The following ABCA5 variants were observed in gnomAD, a reference collection of about 807,000 sequenced individuals.
ABCA5 encodes the protein ATP binding cassette subfamily A member 5.
ABCA5 carries 163 observed loss-of-function variants against 206.0 expected under a neutral mutation model. The ratio of observed to expected loss-of-function variants is 0.79; its 90% confidence interval spans 0.70 to 0.90. The LOEUF (loss-of-function observed/expected upper bound fraction) is 0.90. Among genes scored for constraint, ABCA5 ranks in the 40% least tolerant of loss-of-function variants. ABCA5 has a pLI of 0.00. For missense variants in ABCA5, 1,859 were observed against 1,912.9 expected, an observed-to-expected ratio of 0.97 and a Z score of 0.53; for synonymous variants, 609 against 613.8, an observed-to-expected ratio of 0.99 and a Z score of 0.11.
chr17:69,267,627 A>G (rs2075225479), intron 23 of ABCA5, among the ~76,000 whole-genome samples: 1 of 152,192 alleles, frequency 6.6e-6, no homozygotes, highest in Non-Finnish European at 1.5e-5. Flanking sequence ...CACAATTTAA[A>G]CAAGTTGAGT....
At chr17:69,251,939 C>G in intron 34 of ABCA5, 73 bp from the exon 35 acceptor site, 1 of 1,539,718 alleles carries the variant, frequency 6.5e-7, no homozygotes, top group South Asian at 1.2e-5. Flanking sequence ...TTTAAAAATC[C>G]AACCGGTTGG....
rs572680387 is a variant in ABCA5, at chr17:69,319,482, C to T, written c.-15-5052G>A. Among the ~76,000 whole-genome samples, 8 of 152,230 alleles carry T rather than the reference C, an allele frequency of 5.3e-5. No homozygotes were observed. The East Asian group carries it at 1.5e-3, about 29-fold the overall frequency. On this transcript the variant is annotated intron_variant, in intron 1 of 38. Coordinates refer to ENST00000392676, the MANE Select transcript of ABCA5 (RefSeq NM_172232.4). ...CTCATCACAGCTTTTTAAAGCAAAA[C>T]TAAACCAACTCCCCAAACACCATCC...
intron 23 of ABCA5, among the ~76,000 whole-genome samples, chr17:69,265,515 T>C (rs981020379): frequency 2.0e-5 from 3 of 152,120 alleles, no homozygotes; most frequent in African/African-American, 7.2e-5. Flanking sequence ...CATGTTCTCA[T>C]TTAATTTGAA....
chr17:69,325,077 G>A (rs2075888165), intron 1 of ABCA5, among the ~76,000 whole-genome samples: 1 of 151,160 alleles, frequency 6.6e-6, no homozygotes, highest in African/African-American at 2.4e-5. Context: ...ATCCCAGTGG[G>A]AGGAAGGCTT....
chr17:69,254,394 T>C lies in ABCA5; in HGVS notation c.4165A>G (p.Thr1389Ala). 1 of 1,613,824 alleles carries C rather than the reference T, an allele frequency of 6.2e-7. No homozygotes were observed. Among genetic ancestry groups the C allele is most frequent in the East Asian group, 2.2e-5 (1 of 44,810 alleles). Residue 1389 changes from threonine to alanine, a missense_variant, in exon 32 of 39, where the codon ACT becomes GCT. Transcript: ENST00000392676. ...CPQINPLWPD[T>A]TLQEHFEIYG... ...ATTTCAAAATGTTCCTGCAATGTAG[T>C]ATCTGGCCACAAAGGGTTTATCTGA...
In ABCA5 at chr17:69,249,970, A is replaced by G; in HGVS notation, c.4700T>C (p.Leu1567Ser). Residue 1567 changes from leucine (L) to serine (S), a missense_variant, in exon 37 of 39, where the codon TTG becomes TCG. Physicochemically the swap from Leu to Ser is moderately radical, Grantham distance 145. Coordinates refer to ENST00000392676, the MANE Select transcript of ABCA5 (RefSeq NM_172232.4). Reference protein sequence around the residue: ...ASRQESFSSILAYKIPKEDVQ... With the variant: ...ASRQESFSSISAYKIPKEDVQ... ...ATCTTCCTTAGGAATTTTATAAGCC[A>G]AAATAGAAGAAAAACTGGAAAAAAA... The G allele has an allele frequency of 1.3e-6, 2 of 1,488,742 alleles. No homozygotes were observed. The highest frequency in any genetic ancestry group is 1.8e-6 in the Non-Finnish European group (2 of 1,114,264). The allele number at this position is 1,488,742 out of a possible 1,614,324, so 92.2% of individuals were successfully genotyped here.
intron 18 of ABCA5, among the ~76,000 whole-genome samples, chr17:69,281,904 T>G (rs1340484997): frequency 6.6e-6 from 1 of 152,222 alleles, no homozygotes; most frequent in African/African-American, 2.4e-5. Flanking sequence ...ATGCAAAATG[T>G]GTATTTGCAG....
chr17:69,316,388 G>A (rs1463507604), intron 1 of ABCA5, among the ~76,000 whole-genome samples: 2 of 151,950 alleles, frequency 1.3e-5, no homozygotes, highest in African/African-American at 4.8e-5. Flanking sequence ...AGCTACTGGG[G>A]AGGCAAAAGA....
At chr17:69,307,631 C>T (rs537221257) in intron 5 of ABCA5, among the ~76,000 whole-genome samples, 4 of 152,124 alleles carry the variant, frequency 2.6e-5, no homozygotes, top group African/African-American at 7.2e-5. Flanking sequence ...CAATATTACA[C>T]GTCCCTAATA....
At chr17:69,303,851 T>TAC (rs1280593471) in intron 7 of ABCA5, among the ~76,000 whole-genome samples, 4 of 37,524 alleles carry the variant, frequency 1.1e-4, no homozygotes, top group Admixed American at 9.5e-4. Flanking sequence ...CATACATATA[T>TAC]ATATGTATAT....
intron 28 of ABCA5, among the ~76,000 whole-genome samples, chr17:69,258,598 T>C (rs767572922): frequency 5.3e-5 from 8 of 152,090 alleles, no homozygotes; most frequent in Non-Finnish European, 1.2e-4. Context: ...AGGTACAACG[T>C]TCACCATTTG....
chr17:69,279,813 GA>G (rs1395940473), intron 18 of ABCA5, among the ~76,000 whole-genome samples: 1 of 152,162 alleles, frequency 6.6e-6, no homozygotes, highest in Admixed American at 6.5e-5. Flanking sequence ...ATGGTGCTGG[GA>G]AAACTAGCTA....
chr17:69,315,690 G>A (rs552333226), intron 1 of ABCA5, among the ~76,000 whole-genome samples: 1 of 151,842 alleles, frequency 6.6e-6, no homozygotes. Context: ...GGCTGAGGCA[G>A]GAGATCTGCT....
At chr17:69,296,203 AT>A (rs767102459) in intron 10 of ABCA5, among the ~76,000 whole-genome samples, 1 of 152,114 alleles carries the variant, frequency 6.6e-6, no homozygotes, top group Non-Finnish European at 1.5e-5. Context: ...TATTTTTTTC[AT>A]ATTTTTTTAA....
chr17:69,277,576 T>C lies in ABCA5; in HGVS notation c.2594+65A>G, dbSNP rs950002400. ...TATGTTAACATTTTAAAAATTAAGA[T>C]GGTAAAACCAATGTGTATCCTTAAA... On this transcript the variant is annotated intron_variant, in intron 19 of 38. Coordinates refer to ENST00000392676, the MANE Select transcript of ABCA5 (RefSeq NM_172232.4). 3 of 1,268,922 alleles carry C rather than the reference T, an allele frequency of 2.4e-6. No individual in the cohort carries two copies. In the African/African-American group the frequency reaches 4.7e-5, roughly 20 times the overall value. 78.6% of individuals were successfully genotyped at this position (1,268,922 alleles called of 1,614,324 possible).
chr17:69,308,110 A>G (rs975414018), intron 5 of ABCA5, among the ~76,000 whole-genome samples, 170 bp downstream of exon 5: 1 of 136,088 alleles, frequency 7.3e-6, no homozygotes, highest in Non-Finnish European at 1.6e-5. Flanking sequence ...CACAACAAAA[A>G]GTACCAAATC....
At chr17:69,251,478 C>T in intron 35 of ABCA5, 3 of 360,312 alleles carry the variant, frequency 8.3e-6, no homozygotes, top group South Asian at 6.8e-5. Context: ...ATAATTAATC[C>T]AATATATAAC....
At position 69,247,360 on chromosome 17, in the gene ABCA5, G is replaced by A. The variant is rs189297153; in HGVS notation, c.*177C>T. On this transcript the variant is annotated 3_prime_UTR_variant, in exon 39 of 39. Transcript: ENST00000392676. ...TGCAGCTTCACTTAATTATACATAC[G>A]TTTTATTTAAAGAAAAGCAAAACAC... 8.9e-5 allele frequency: 47 copies of A among 526,698 alleles called. 1 individual carries two copies. The highest frequency in any genetic ancestry group is 1.3e-4 in the East Asian group (4 of 30,374). 32.6% of individuals were successfully genotyped at this position (526,698 alleles called of 1,614,324 possible).
chr17:69,246,377 T>C lies in ABCA5; in HGVS notation c.*1160A>G, dbSNP rs1201532018. 6.6e-6 allele frequency: 1 copy of C among 150,580 alleles called. No homozygotes were observed. Among genetic ancestry groups the C allele is most frequent in the Non-Finnish European group, 1.5e-5 (1 of 67,268 alleles). The allele number at this position is 150,580 out of a possible 1,614,324, so 9.3% of individuals were successfully genotyped here. A position where few individuals can be genotyped will look rare whatever the true frequency, so the allele number is the denominator to read the frequency against. On this transcript the variant is annotated 3_prime_UTR_variant, in exon 39 of 39. Coordinates refer to ENST00000392676, the MANE Select transcript of ABCA5 (RefSeq NM_172232.4). Reference sequence around the variant, plus strand: ...ATGTCAACTAGCATTATTTACACTATTTTATACCTTGAGCCAATACATGGG... The same window carrying C: ...ATGTCAACTAGCATTATTTACACTACTTTATACCTTGAGCCAATACATGGG...
Sources: allele counts gnomAD v4.1 joint callset (sites outside exome capture counted in the v4.1 genomes callset), GRCh38; gene constraint gnomAD v4.1.1; transcripts MANE v1.5; gene names NCBI Gene and HGNC (gene_info 2026-07-23, HGNC 2026-07-21).